The following DMXL1 variants were observed in gnomAD, a reference collection of about 807,000 sequenced individuals.
DMXL1 encodes the protein Dmx like 1.
Under a neutral mutation model 319.2 loss-of-function variants are expected in DMXL1, and 99 were observed. The ratio of observed to expected loss-of-function variants is 0.31; its 90% confidence interval spans 0.26 to 0.37. DMXL1 has a LOEUF of 0.37. Ranked by LOEUF, DMXL1 falls within the 10% of genes least tolerant of loss-of-function variation. The pLI is 1.00. For synonymous variants in DMXL1, 1,385 were observed against 1,235.2 expected (o/e 1.12, Z -2.54); for missense variants, 3,745 against 3,595.6 (o/e 1.04, Z -1.06).
At chr5:119,216,646 G>A (rs1184285233) in intron 34 of DMXL1, among the ~76,000 whole-genome samples, 2 of 152,018 alleles carry the variant, frequency 1.3e-5, no homozygotes, top group Admixed American at 6.6e-5. Context: ...TGTATCTCGG[G>A]AGGATAGCCA....
At chr5:119,115,718 A>AT (rs1287666186) in intron 6 of DMXL1, among the ~76,000 whole-genome samples, 1 of 152,034 alleles carries the variant, frequency 6.6e-6, no homozygotes, top group East Asian at 1.9e-4. Context: ...ATATTAACTC[A>AT]TTTTTTTCAC....
intron 10 of DMXL1, among the ~76,000 whole-genome samples, chr5:119,130,994 A>T (rs888449637): frequency 6.6e-6 from 1 of 150,834 alleles, no homozygotes; most frequent in East Asian, 2.0e-4. Context: ...GGATGTTTTC[A>T]TTATATTACT....
intron 13 of DMXL1, 43 bp downstream of exon 13, chr5:119,134,432 G>GT: frequency 2.0e-6 from 3 of 1,483,330 alleles, no homozygotes; most frequent in Non-Finnish European, 2.7e-6. Flanking sequence ...ATAATATTAT[G>GT]TTTTCAGATA....
At chr5:119,206,741 G>A in intron 33 of DMXL1, 93 bp from the exon 34 acceptor site, 1 of 691,634 alleles carries the variant, frequency 1.4e-6, no homozygotes, top group Non-Finnish European at 2.3e-6. Flanking sequence ...TAGTAAATTT[G>A]GTTTAAAATA....
At chr5:119,217,172 T>C (rs1327285863) in intron 35 of DMXL1, among the ~76,000 whole-genome samples, 185 bp downstream of exon 35, 1 of 152,190 alleles carries the variant, frequency 6.6e-6, no homozygotes, top group Non-Finnish European at 1.5e-5. Context: ...TATTATATGA[T>C]TTTGGAGATA....
intron 34 of DMXL1, 50 bp from the exon 35 acceptor site, chr5:119,216,851 T>C (rs886770774): frequency 1.0e-6 from 1 of 963,910 alleles, no homozygotes; most frequent in Non-Finnish European, 1.7e-6. Flanking sequence ...ATATTATTAG[T>C]TCTATTACTA....
At chr5:119,246,136 T>A (rs529891393) in intron 43 of DMXL1, among the ~76,000 whole-genome samples, 134 of 152,346 alleles carry the variant, frequency 8.8e-4, no homozygotes, top group Non-Finnish European at 1.6e-3. Context: ...CACATTTATT[T>A]TGATAAGGGC....
chr5:119,161,357 C>T (rs1045169544), intron 19 of DMXL1, among the ~76,000 whole-genome samples: 5 of 152,238 alleles, frequency 3.3e-5, no homozygotes, highest in Non-Finnish European at 7.3e-5. Context: ...AGGATGTGTT[C>T]TCTGGCCAGG....
intron 9 of DMXL1, among the ~76,000 whole-genome samples, chr5:119,122,333 C>A (rs1314032653): frequency 1.3e-5 from 2 of 148,156 alleles, no homozygotes; most frequent in African/African-American, 5.0e-5. Context: ...CACCTCCCTC[C>A]CGGAGGGGGC....
chr5:119,106,658 G>C (rs1405148438), intron 4 of DMXL1, among the ~76,000 whole-genome samples: 2 of 152,164 alleles, frequency 1.3e-5, no homozygotes, highest in African/African-American at 4.8e-5. Context: ...GGTTTTGCGA[G>C]ATTTGTCTGC....
chr5:119,179,336 A>T (rs1003929336), intron 28 of DMXL1, among the ~76,000 whole-genome samples: 1 of 148,304 alleles, frequency 6.7e-6, no homozygotes, highest in Non-Finnish European at 1.5e-5. Flanking sequence ...CTATGCATAC[A>T]TTTGAGAGAA....
intron 9 of DMXL1, among the ~76,000 whole-genome samples, chr5:119,122,367 T>A (rs957221776): frequency 4.1e-5 from 6 of 146,494 alleles, no homozygotes; most frequent in Non-Finnish European, 9.0e-5. Flanking sequence ...GAGGGGCTCC[T>A]CACTTCCCAG....
chr5:119,115,782 T>C (rs932689858), intron 6 of DMXL1, among the ~76,000 whole-genome samples: 1 of 152,212 alleles, frequency 6.6e-6, no homozygotes, highest in Non-Finnish European at 1.5e-5. Context: ...GTATCTCTTT[T>C]TTTCAATAAT....
At chr5:119,081,131 G>T (rs1398695635) in intron 1 of DMXL1, among the ~76,000 whole-genome samples, 1 of 152,150 alleles carries the variant, frequency 6.6e-6, no homozygotes, top group African/African-American at 2.4e-5. Context: ...AATACATGAG[G>T]ACAAATGGGA....
chr5:119,118,783 AT>A, intron 7 of DMXL1, 31 bp from the exon 8 acceptor site: 1 of 1,532,094 alleles, frequency 6.5e-7, no homozygotes, highest in South Asian at 1.2e-5. Flanking sequence ...TGAAATTTGT[AT>A]TTTTGCTTCT....
chr5:119,209,006 T>G (rs764891944), intron 34 of DMXL1, among the ~76,000 whole-genome samples: 6 of 152,240 alleles, frequency 3.9e-5, no homozygotes, highest in Non-Finnish European at 7.3e-5. Context: ...CTTAGCATAA[T>G]TATTTCAAGA....
chr5:119,080,628 C>T (rs1751991849), intron 1 of DMXL1, among the ~76,000 whole-genome samples: 1 of 152,196 alleles, frequency 6.6e-6, no homozygotes, highest in Non-Finnish European at 1.5e-5. Flanking sequence ...AGTGCAGTTA[C>T]TCTGTTGAAA....
At chr5:119,193,763 A>G (rs1581245760) in intron 29 of DMXL1, 65 bp from the exon 30 acceptor site, 3 of 1,443,598 alleles carry the variant, frequency 2.1e-6, no homozygotes, top group Admixed American at 1.7e-5. Flanking sequence ...TTACTATTAG[A>G]CTGTATGTTT....
chr5:119,165,586 A>G (rs964070833), intron 21 of DMXL1, among the ~76,000 whole-genome samples: 1 of 152,206 alleles, frequency 6.6e-6, no homozygotes, highest in Non-Finnish European at 1.5e-5. Flanking sequence ...TCATGCTGCT[A>G]ATAAAGACAT....
Sources: allele counts gnomAD v4.1 joint callset (sites outside exome capture counted in the v4.1 genomes callset), GRCh38; gene constraint gnomAD v4.1.1; transcripts MANE v1.5; gene names NCBI Gene and HGNC (gene_info 2026-07-23, HGNC 2026-07-21).